SLC18A1: variants seen among roughly 807,000 people sequenced by gnomAD.
The protein encoded by SLC18A1 is solute carrier family 18 member A1.
SLC18A1 carries 69 observed loss-of-function variants against 53.7 expected under a neutral mutation model. The ratio of observed to expected loss-of-function variants is 1.28; its 90% CI spans 1.06 to 1.57. SLC18A1 has a LOEUF of 1.57. Ranked by LOEUF, SLC18A1 falls within the 40% of genes most tolerant of loss-of-function variation. The probability of loss-of-function intolerance (pLI) is 0.00; values close to 1 mark genes in which losing one functional copy is unlikely to be tolerated. For synonymous variants in SLC18A1, 320 were observed against 248.1 expected (o/e 1.29, Z -2.72); for missense variants, 932 against 668.1 (o/e 1.40, Z -4.35).
chr8:20,151,597 A>C (rs1441369034), intron 10 of SLC18A1, among the ~76,000 whole-genome samples: 1 of 152,242 alleles, frequency 6.6e-6, no homozygotes. Flanking sequence ...AATGTGGAGC[A>C]AATTAGGTAA....
At chr8:20,173,216 A>G (rs2072170240) in intron 5 of SLC18A1, 88 bp from the exon 6 acceptor site, 2 of 920,544 alleles carry the variant, frequency 2.2e-6, no homozygotes, top group East Asian at 2.7e-5. Context: ...TTATCTCTTC[A>G]GTGACAATCT....
At chr8:20,181,184 T>C (rs1027152053) in intron 1 of SLC18A1, 97 bp from the exon 2 acceptor site, 6 of 396,480 alleles carry the variant, frequency 1.5e-5, no homozygotes, top group Non-Finnish European at 2.3e-5. Flanking sequence ...TAAATCTCAA[T>C]AACTCTACCT....
intron 12 of SLC18A1, 81 bp downstream of exon 12, chr8:20,149,586 CTCCCTCTCT>C: frequency 3.0e-6 from 3 of 985,768 alleles, no homozygotes; most frequent in Non-Finnish European, 4.4e-6. Context: ...CTCTCTCTCT[CTCCCTCTCT>C]CTCTCTCTCT....
Position 20,145,762 on chromosome 8 carries a change from GCTA to G in SLC18A1, c.1576_1578del (p.Ter526delextTer12), listed in dbSNP as rs771098915. On this transcript the variant is annotated stop_lost and inframe_deletion, in exon 16 of 16. Coordinates refer to ENST00000276373, the MANE Select transcript of SLC18A1 (RefSeq NM_003053.4). Reference sequence around the variant, plus strand: ...ATGAATTCAAGGAGCACCTTCTGCTGCTACTCCTCATGGTCAGGCTCCTCATCA... The same window carrying G: ...ATGAATTCAAGGAGCACCTTCTGCTGCTCCTCATGGTCAGGCTCCTCATCA... The G allele has an allele frequency of 1.8e-5, 28 of 1,595,168 alleles. No individual in the cohort carries two copies. The highest frequency in any genetic ancestry group is 1.7e-4 in the Middle Eastern group (1 of 5,992).
chr8:20,180,001 C>A (rs181168146), intron 2 of SLC18A1, among the ~76,000 whole-genome samples: 43 of 152,248 alleles, frequency 2.8e-4, no homozygotes, highest in Non-Finnish European at 8.8e-5. Flanking sequence ...ACTCTGGCAC[C>A]TGCTAGTGGA....
chr8:20,174,425 G>A lies in SLC18A1; in HGVS notation c.567C>T (p.Thr189=). The A allele has an allele frequency of 1.9e-6, 3 of 1,613,872 alleles. No individual in the cohort carries two copies. The highest frequency in any genetic ancestry group is 1.3e-5 in the African/African-American group (1 of 75,024). The part of the protein sequence containing the change: ...LSTVMFAFSG[T]YTLLFVARTL... ...TTCGGGCCACAAAGAGTAGAGTATA[G>A]GTCCCAGAAAAAGCAAACACTGGGC... The change falls in exon 5 of 16, where the codon ACC becomes ACT. Residue 189 remains threonine, a synonymous_variant. Transcript: ENST00000276373.
At position 20,164,756 on chromosome 8, in the gene SLC18A1, G is replaced by A. The variant is rs866366104; in HGVS notation, c.1015+113C>T. 28 of 762,408 alleles carry A rather than the reference G, an allele frequency of 3.7e-5. 1 individual carries two copies. Among genetic ancestry groups the A allele is most frequent in the African/African-American group, 1.0e-4 (6 of 57,182 alleles). 47.2% of individuals were successfully genotyped at this position (762,408 alleles called of 1,614,324 possible). A position where few individuals can be genotyped will look rare whatever the true frequency, so the allele number is the denominator to read the frequency against. ...GGGCTTGATTCATGGGTGTGGACGT[G>A]GGAGGTCATTCTACAAAGGAAGCAT... On this transcript the variant is annotated intron_variant, in intron 10 of 15. Coordinates refer to ENST00000276373, the MANE Select transcript of SLC18A1 (RefSeq NM_003053.4).
chr8:20,150,973 G>A (rs2071538093), intron 10 of SLC18A1: 2 of 512,564 alleles, frequency 3.9e-6, no homozygotes, highest in East Asian at 3.3e-5. Flanking sequence ...TTTTCTTTTT[G>A]TTTTCTTTCT....
chr8:20,173,187 A>C (rs1325178214), intron 5 of SLC18A1, 59 bp from the exon 6 acceptor site: 2 of 1,294,892 alleles, frequency 1.5e-6, no homozygotes, highest in Non-Finnish European at 2.2e-6. Flanking sequence ...CGCCTCTCAG[A>C]GCCCTTGGTC....
intron 4 of SLC18A1, among the ~76,000 whole-genome samples, chr8:20,176,344 G>A (rs561894173): frequency 2.2e-4 from 34 of 152,174 alleles, no homozygotes; most frequent in South Asian, 1.9e-3. Flanking sequence ...CCTGAGGCCC[G>A]CACCAGAAGC....
At chr8:20,173,198 C>T (rs2072169710) in intron 5 of SLC18A1, 70 bp from the exon 6 acceptor site, 1 of 1,135,588 alleles carries the variant, frequency 8.8e-7, no homozygotes, top group Admixed American at 2.2e-5. Flanking sequence ...GCCCTTGGTC[C>T]CACCCTGTTA....
chr8:20,166,244 C>A (rs994254452), intron 8 of SLC18A1, among the ~76,000 whole-genome samples: 2 of 143,518 alleles, frequency 1.4e-5, no homozygotes, highest in Non-Finnish European at 3.0e-5. Flanking sequence ...ATGGCGCACA[C>A]ACTATTGTGT....
rs142725243 is a variant in SLC18A1, at chr8:20,171,458, A to G, written c.761T>C (p.Val254Ala). Residue 254 changes from valine (V) to alanine (A), a missense_variant, in exon 7 of 16, where the codon GTT (valine) becomes GCT (alanine). Physicochemically the swap from Val to Ala is moderately conservative, Grantham distance 64. Coordinates refer to ENST00000276373, the MANE Select transcript of SLC18A1 (RefSeq NM_003053.4). ...GATGAGGAAGGGTGCAGACTTCCCA[A>G]CAAACTCGTACATTACACTTCCAAA... is the stretch of plus-strand genomic sequence containing the variant. ...APFGSVMYEF[V>A]GKSAPFLILA... The G allele has an allele frequency of 9.9e-6, 16 of 1,614,188 alleles. No homozygotes were observed. The East Asian group carries it at 3.6e-4, about 36-fold the overall frequency.
At chr8:20,168,852 C>G (rs1469266062) in intron 8 of SLC18A1, among the ~76,000 whole-genome samples, 1 of 152,124 alleles carries the variant, frequency 6.6e-6, no homozygotes, top group African/African-American at 2.4e-5. Context: ...CAGCAAAGTG[C>G]CAACTGATGA....
At chr8:20,181,863 C>T (rs1222868793) in intron 1 of SLC18A1, 1 of 152,186 alleles carries the variant, frequency 6.6e-6, no homozygotes, top group African/African-American at 2.4e-5. Flanking sequence ...GCCAGCTTAT[C>T]CTCTACCATG....
In SLC18A1 at chr8:20,171,063, C is replaced by T. The variant is rs1476005615; in HGVS notation, c.858+40G>A. 3.1e-6 allele frequency: 5 copies of T among 1,604,090 alleles called. No individual in the cohort carries two copies. The East Asian group carries it at 1.1e-4, about 36-fold the overall frequency. ...TGCCTGGGTTCCTGCATTCAGCCATCCTGTATAACTGTTAGAAATGGAGCT... is the reference window on the plus strand; with the variant it reads ...TGCCTGGGTTCCTGCATTCAGCCATTCTGTATAACTGTTAGAAATGGAGCT... On this transcript the variant is annotated intron_variant, in intron 8 of 15. Coordinates refer to ENST00000276373, the MANE Select transcript of SLC18A1 (RefSeq NM_003053.4).
chr8:20,182,754 G>C (rs1283381201), intron 1 of SLC18A1, among the ~76,000 whole-genome samples: 1 of 152,154 alleles, frequency 6.6e-6, no homozygotes, highest in Non-Finnish European at 1.5e-5. Context: ...GTTTTAACCA[G>C]TAAATGCATG....
At chr8:20,152,420 G>C (rs545100615) in intron 10 of SLC18A1, among the ~76,000 whole-genome samples, 6 of 152,222 alleles carry the variant, frequency 3.9e-5, no homozygotes, top group Non-Finnish European at 8.8e-5. Flanking sequence ...CCTCAGATTA[G>C]AAGTCATGGT....
rs575910868 is a variant in SLC18A1 at position 20,151,681 on chromosome 8, G to C, written c.1016-937C>G. Among the ~76,000 whole-genome samples the C allele has an allele frequency of 1.5e-4, 23 of 152,298 alleles. No individual in the cohort carries two copies. In the South Asian group the frequency reaches 4.6e-3, roughly 30 times the overall value. The stretch of plus-strand genomic sequence containing the variant: ...TGTGACAGTAGAGGGAAGTGTTCAG[G>C]AAACATGGGCTTTGGAGCCACACAA... On this transcript the variant is annotated intron_variant, in intron 10 of 15. Transcript: ENST00000276373.
Sources: allele counts gnomAD v4.1 joint callset (sites outside exome capture counted in the v4.1 genomes callset), GRCh38; gene constraint gnomAD v4.1.1; transcripts MANE v1.5; gene names NCBI Gene and HGNC (gene_info 2026-07-23, HGNC 2026-07-21).